The following GALNT13 variants were observed in gnomAD, a reference collection of about 807,000 sequenced individuals.
GALNT13 encodes UDP-GalNAc:polypeptide N-acetylgalactosaminyltransferase 13.
GALNT13 carries 28 observed loss-of-function variants against 64.2 expected under a neutral mutation model. The ratio of observed to expected loss-of-function variants is 0.44; its 90% confidence interval spans 0.32 to 0.60. The LOEUF is 0.60. Among genes scored for constraint, GALNT13 ranks in the 20% least tolerant of loss-of-function variants. GALNT13 has a pLI of 0.05. For missense variants in GALNT13, 577 were observed against 669.8 expected, an observed-to-expected ratio of 0.86 and a Z score of 1.53; for synonymous variants, 214 against 224.6, an observed-to-expected ratio of 0.95 and a Z score of 0.42.
the GALNT13 span, among the ~76,000 whole-genome samples, chr2:153,841,300 C>A: frequency 2.9e-4 from 44 of 152,060 alleles, no homozygotes; most frequent in African/African-American, 1.0e-3. Context: ...AGCTATTCAA[C>A]TGAATCTATT....
At chr2:154,057,021 T>TTTTTA (rs907605727) in intron 3 of GALNT13, among the ~76,000 whole-genome samples, 4 of 151,886 alleles carry the variant, frequency 2.6e-5, no homozygotes, top group East Asian at 1.9e-4. Flanking sequence ...AAACTTTTTA[T>TTTTTA]TTTTATTTTA....
the GALNT13 span, among the ~76,000 whole-genome samples, chr2:153,428,893 A>G: frequency 1.3e-5 from 2 of 152,164 alleles, no homozygotes; most frequent in African/African-American, 4.8e-5. Flanking sequence ...GAGAAATAGT[A>G]TGCATCTCCT....
chr2:153,472,802 C>A, the GALNT13 span, among the ~76,000 whole-genome samples: 13 of 152,088 alleles, frequency 8.5e-5, no homozygotes, highest in Non-Finnish European at 1.8e-4. Flanking sequence ...TTTGTTTATT[C>A]TCATTTAGTG....
chr2:153,143,590 C>T, the GALNT13 span, among the ~76,000 whole-genome samples: 8 of 152,182 alleles, frequency 5.3e-5, no homozygotes, highest in South Asian at 1.7e-3. Context: ...CTTTCAGCTT[C>T]ATTCATCTTG....
At chr2:154,364,253 T>C (rs146461833) in intron 9 of GALNT13, among the ~76,000 whole-genome samples, 352 of 152,292 alleles carry the variant, frequency 2.3e-3, no homozygotes, top group African/African-American at 8.2e-3. Context: ...GAAACTTAAT[T>C]TTAAGTTAAT....
chr2:154,440,597 A>T (rs1168177856), intron 12 of GALNT13, among the ~76,000 whole-genome samples: 1 of 152,132 alleles, frequency 6.6e-6, no homozygotes, highest in African/African-American at 2.4e-5. Flanking sequence ...ACTTTGGAAC[A>T]CACGCACAAA....
At chr2:154,328,904 G>T (rs559361272) in intron 9 of GALNT13, among the ~76,000 whole-genome samples, 2 of 152,064 alleles carry the variant, frequency 1.3e-5, no homozygotes, top group Non-Finnish European at 2.9e-5. Flanking sequence ...CAGCCATCTT[G>T]TTCATGACAT....
chr2:153,493,346 C>A, the GALNT13 span, among the ~76,000 whole-genome samples: 4 of 151,826 alleles, frequency 2.6e-5, no homozygotes, highest in African/African-American at 9.7e-5. Flanking sequence ...AAAGGTCTTA[C>A]AAATATTAAT....
At chr2:154,339,044 T>TA (rs1695611289) in intron 9 of GALNT13, among the ~76,000 whole-genome samples, 1 of 152,162 alleles carries the variant, frequency 6.6e-6, no homozygotes, top group African/African-American at 2.4e-5. Flanking sequence ...AATACGGTTG[T>TA]AAAAATTCTT....
the GALNT13 span, among the ~76,000 whole-genome samples, chr2:153,766,946 T>C: frequency 3.3e-5 from 5 of 152,110 alleles, no homozygotes; most frequent in African/African-American, 9.7e-5. Context: ...ATTTCTCTTA[T>C]TGTTTTCTAA....
intron 8 of GALNT13, among the ~76,000 whole-genome samples, chr2:154,261,853 T>C (rs1362865247): frequency 2.0e-5 from 3 of 151,938 alleles, no homozygotes; most frequent in African/African-American, 7.2e-5. Context: ...ATAGTGAAGT[T>C]ATTGTGGTTT....
chr2:153,628,300 A>G, the GALNT13 span, among the ~76,000 whole-genome samples: 1 of 151,860 alleles, frequency 6.6e-6, no homozygotes, highest in South Asian at 2.1e-4. Context: ...AACAGGGACA[A>G]TTTGACTTCC....
chr2:154,297,837 G>C (rs554279268), intron 8 of GALNT13, among the ~76,000 whole-genome samples: 1 of 151,836 alleles, frequency 6.6e-6, no homozygotes, highest in Non-Finnish European at 1.5e-5. Context: ...TTATTGGTTT[G>C]ACTATCTGGG....
the GALNT13 span, among the ~76,000 whole-genome samples, chr2:153,465,186 C>G: frequency 6.6e-6 from 1 of 152,118 alleles, no homozygotes. Context: ...TGAAACATTA[C>G]TCTTGTTGGA....
At chr2:153,119,114 T>C in the GALNT13 span, among the ~76,000 whole-genome samples, 2 of 152,140 alleles carry the variant, frequency 1.3e-5, no homozygotes, top group African/African-American at 4.8e-5. Flanking sequence ...CTGCCATGAT[T>C]GTAAGTTTCC....
At chr2:153,242,246 G>T in the GALNT13 span, among the ~76,000 whole-genome samples, 1 of 152,160 alleles carries the variant, frequency 6.6e-6, no homozygotes, top group South Asian at 2.1e-4. Flanking sequence ...ATTCTATTCT[G>T]GCTTATTATT....
In GALNT13 at chr2:153,981,269, A is replaced by G. The variant is rs181533773; in HGVS notation, c.142+36630A>G. Among the ~76,000 whole-genome samples the G allele has an allele frequency of 2.6e-4, 39 of 152,124 alleles. No homozygotes were observed. The East Asian group carries it at 6.0e-3, about 23-fold the overall frequency. On this transcript the variant is annotated intron_variant, in intron 3 of 12. Coordinates refer to ENST00000392825, the MANE Select transcript of GALNT13 (RefSeq NM_052917.4). ...GGGTATATATATATGCACAATGTGC[A>G]GGTTTGTTACATATGTATACATGTG... is the stretch of plus-strand genomic sequence containing the variant.
chr2:154,182,309 A>G (rs1451587924), intron 4 of GALNT13, among the ~76,000 whole-genome samples: 1 of 152,212 alleles, frequency 6.6e-6, no homozygotes, highest in South Asian at 2.1e-4. Flanking sequence ...CCAGTTGCGC[A>G]TACTGAAAAG....
chr2:154,264,970 TA>T (rs147717890), intron 8 of GALNT13, among the ~76,000 whole-genome samples: 6,166 of 148,758 alleles, frequency 0.041, 188 homozygotes, highest in Non-Finnish European at 0.059. Flanking sequence ...ACCTATATGA[TA>T]AAAAAAAATA....
Sources: allele counts gnomAD v4.1 joint callset (sites outside exome capture counted in the v4.1 genomes callset), GRCh38; gene constraint gnomAD v4.1.1; transcripts MANE v1.5; gene names NCBI Gene and HGNC (gene_info 2026-07-23, HGNC 2026-07-21).